Variants in SLCO5A1 observed in about 807,000 individuals in gnomAD.
SLCO5A1 encodes the protein organic anion transporter polypeptide-related protein 4.
In SLCO5A1, 39 loss-of-function variants were observed where a neutral mutation model predicts 65.1. The observed-to-expected ratio is 0.60, with a 90% confidence interval of 0.46 to 0.78. SLCO5A1 has a LOEUF of 0.78. Ranked by LOEUF, SLCO5A1 falls within the 30% of genes least tolerant of loss-of-function variation. SLCO5A1 has a pLI of 0.00. For missense variants in SLCO5A1, 1,029 were observed against 1,069.4 expected (o/e 0.96, Z 0.53); for synonymous variants, 438 against 415.7 (o/e 1.05, Z -0.65).
intron 2 of SLCO5A1, among the ~76,000 whole-genome samples, chr8:69,767,123 A>C (rs1266292277): frequency 6.6e-6 from 1 of 152,200 alleles, no homozygotes; most frequent in Non-Finnish European, 1.5e-5. Context: ...AGAACTTGGA[A>C]GTTTGGGCTA....
At chr8:69,790,747 G>A (rs1293288839) in intron 2 of SLCO5A1, among the ~76,000 whole-genome samples, 1 of 152,276 alleles carries the variant, frequency 6.6e-6, no homozygotes, top group East Asian at 1.9e-4. Context: ...AACAAGAGCA[G>A]TATGAACTAA....
intron 4 of SLCO5A1, among the ~76,000 whole-genome samples, chr8:69,748,697 A>G (rs1817146369): frequency 6.6e-6 from 1 of 152,208 alleles, no homozygotes; most frequent in Admixed American, 6.5e-5. Flanking sequence ...TTCCTGGAAA[A>G]CAAAGTTTTT....
At chr8:69,690,357 C>A (rs910851372) in intron 6 of SLCO5A1, among the ~76,000 whole-genome samples, 1 of 150,902 alleles carries the variant, frequency 6.6e-6, no homozygotes, top group Admixed American at 6.6e-5. Flanking sequence ...GAAATCACAT[C>A]GCGTCAACAC....
intron 2 of SLCO5A1, among the ~76,000 whole-genome samples, chr8:69,765,633 C>T (rs1206154372): frequency 1.3e-5 from 2 of 152,162 alleles, no homozygotes; most frequent in Non-Finnish European, 2.9e-5. Flanking sequence ...ACTCTCAGTC[C>T]TTCCTACTGA....
At chr8:69,806,807 G>C (rs978087211) in intron 2 of SLCO5A1, among the ~76,000 whole-genome samples, 2 of 152,182 alleles carry the variant, frequency 1.3e-5, no homozygotes, top group Admixed American at 1.3e-4. Context: ...TAAGACCTCG[G>C]GAGCTTCTGG....
Position 69,709,815 on chromosome 8 carries a change from T to C in SLCO5A1, c.1424-4586A>G, listed in dbSNP as rs180808170. On this transcript the variant is annotated intron_variant, in intron 5 of 9. Coordinates refer to ENST00000260126, the MANE Select transcript of SLCO5A1 (RefSeq NM_030958.3). ...AGTGAAGTCGGCACTACTAAGAATATGTAATAGAGGGTAATATGGGTCCAG... is the reference window on the plus strand; with the variant it reads ...AGTGAAGTCGGCACTACTAAGAATACGTAATAGAGGGTAATATGGGTCCAG... Among the ~76,000 whole-genome samples, 211 of 152,170 alleles carry C rather than the reference T, an allele frequency of 1.4e-3. 1 individual carries two copies. Among genetic ancestry groups the C allele is most frequent in the African/African-American group, 4.8e-3 (199 of 41,516 alleles).
At chr8:69,729,165 C>G (rs1353069818) in intron 5 of SLCO5A1, among the ~76,000 whole-genome samples, 1 of 152,180 alleles carries the variant, frequency 6.6e-6, no homozygotes, top group East Asian at 1.9e-4. Flanking sequence ...GATAACTGCG[C>G]CCGGTGCAGT....
intron 2 of SLCO5A1, among the ~76,000 whole-genome samples, chr8:69,815,893 T>C (rs1820386553): frequency 6.6e-6 from 1 of 152,120 alleles, no homozygotes; most frequent in Admixed American, 6.5e-5. Context: ...AACAGCACAG[T>C]ATATTATAGA....
chr8:69,759,839 A>T (rs1331311551), intron 3 of SLCO5A1, among the ~76,000 whole-genome samples: 2 of 152,000 alleles, frequency 1.3e-5, no homozygotes, highest in Non-Finnish European at 2.9e-5. Context: ...GTAGAGATGG[A>T]GGCTCGCCAC....
rs1814624851 is a variant in SLCO5A1 at position 69,699,323 on chromosome 8, C to G, written c.1622+5708G>C. 1.3e-5 allele frequency among the ~76,000 whole-genome samples: 2 copies of G among 152,152 alleles called. 1 individual carries two copies. The highest frequency in any genetic ancestry group is 4.1e-4 in the South Asian group (2 of 4,830). On this transcript the variant is annotated intron_variant, in intron 6 of 9. Transcript: ENST00000260126. Reference sequence around the variant, plus strand: ...AAGCCTGCAAAATGAACAGTGAGGACCCAGGCCCGTTCCCCCAACTCTCAG... The same window carrying G: ...AAGCCTGCAAAATGAACAGTGAGGAGCCAGGCCCGTTCCCCCAACTCTCAG...
At chr8:69,711,019 C>G (rs924473017) in intron 5 of SLCO5A1, among the ~76,000 whole-genome samples, 13 of 152,206 alleles carry the variant, frequency 8.5e-5, no homozygotes, top group Admixed American at 3.3e-4. Context: ...ACTGTCCCCC[C>G]CACTCAAAGC....
intron 6 of SLCO5A1, among the ~76,000 whole-genome samples, chr8:69,688,648 C>A (rs1814105479): frequency 6.6e-6 from 1 of 152,066 alleles, no homozygotes; most frequent in Admixed American, 6.6e-5. Context: ...TCATCCATGT[C>A]CCTACAAAGG....
In SLCO5A1 at chr8:69,801,405, C is replaced by T. The variant is rs538328539; in HGVS notation, c.907+30362G>A. ...CCTAATTATTTCCTCAACAATTCCT[C>T]GGAAAGCAAACAAGAAAAAGATAGG... On this transcript the variant is annotated intron_variant, in intron 2 of 9. Transcript: ENST00000260126. Among the ~76,000 whole-genome samples the T allele has an allele frequency of 7.7e-4, 117 of 152,178 alleles. 2 individuals are homozygous for T. In the South Asian group the frequency reaches 0.024, roughly 31 times the overall value.
chr8:69,709,139 G>C (rs2130814054), intron 5 of SLCO5A1, among the ~76,000 whole-genome samples: 1 of 152,254 alleles, frequency 6.6e-6, no homozygotes, highest in South Asian at 2.1e-4. Context: ...GCTCTTTCTA[G>C]AACTTTGCAT....
chr8:69,829,439 T>C (rs1466878110), intron 2 of SLCO5A1, among the ~76,000 whole-genome samples: 2 of 152,244 alleles, frequency 1.3e-5, no homozygotes, highest in African/African-American at 4.8e-5. Flanking sequence ...AACAGCCAAA[T>C]GCAATGCATG....
Position 69,784,516 on chromosome 8 carries a change from G to C in SLCO5A1, c.908-22641C>G, listed in dbSNP as rs186180219. Reference sequence around the variant, plus strand: ...AAAGTTAAACATACAGGCCAGGTGCGGTGGCTCACGCCTGTAATCCCAGCA... The same window carrying C: ...AAAGTTAAACATACAGGCCAGGTGCCGTGGCTCACGCCTGTAATCCCAGCA... On this transcript the variant is annotated intron_variant, in intron 2 of 9. Transcript: ENST00000260126. 2.8e-3 allele frequency among the ~76,000 whole-genome samples: 422 copies of C among 152,186 alleles called. 3 individuals carry two copies. Among genetic ancestry groups the C allele is most frequent in the African/African-American group, 7.8e-3 (324 of 41,512 alleles).
At chr8:69,821,712 G>A (rs1361080522) in intron 2 of SLCO5A1, among the ~76,000 whole-genome samples, 1 of 151,600 alleles carries the variant, frequency 6.6e-6, no homozygotes, top group Non-Finnish European at 1.5e-5. Flanking sequence ...GGCTAAGGTG[G>A]GAGAAACACC....
intron 2 of SLCO5A1, among the ~76,000 whole-genome samples, chr8:69,767,664 G>A (rs1460965998): frequency 6.6e-6 from 1 of 152,008 alleles, no homozygotes; most frequent in African/African-American, 2.4e-5. Flanking sequence ...GGCCAAGGCA[G>A]GCAGATCATG....
Position 69,668,472 on chromosome 8 carries a change from T to C in SLCO5A1, c.*4397A>G, listed in dbSNP as rs1813241985. The stretch of plus-strand genomic sequence containing the variant: ...TACTCAGTATGCACCTACATATCAA[T>C]AGTTATATTCATGTGCTGTGTCATC... On this transcript the variant is annotated 3_prime_UTR_variant, in exon 10 of 10. Transcript: ENST00000260126. 2.0e-5 allele frequency: 3 copies of C among 152,328 alleles called. No individual in the cohort carries two copies. Among genetic ancestry groups the C allele is most frequent in the South Asian group, 4.1e-4 (2 of 4,824 alleles). The allele number at this position is 152,328 out of a possible 1,614,324, so 9.4% of individuals were successfully genotyped here. A position where few individuals can be genotyped will look rare whatever the true frequency, so the allele number is the denominator to read the frequency against.
Sources: allele counts gnomAD v4.1 joint callset (sites outside exome capture counted in the v4.1 genomes callset), GRCh38; gene constraint gnomAD v4.1.1; transcripts MANE v1.5; gene names NCBI Gene and HGNC (gene_info 2026-07-23, HGNC 2026-07-21).